The following CFAP91 variants were observed in gnomAD, a reference collection of about 807,000 sequenced individuals.
The protein encoded by CFAP91 is cilia- and flagella-associated protein 91.
CFAP91 carries 85 observed loss-of-function variants against 95.9 expected under a neutral mutation model. That is an observed-to-expected ratio of 0.89 (90% confidence interval 0.74 to 1.06). The LOEUF is 1.06. Among genes scored for constraint, CFAP91 ranks in the 50% least tolerant of loss-of-function variants. The pLI is 0.00. For synonymous variants in CFAP91, 335 were observed against 327.5 expected (o/e 1.02, Z -0.25); for missense variants, 962 against 943.4 (o/e 1.02, Z -0.26).
In CFAP91 at chr3:119,751,285, G is replaced by C. The variant is rs535882529; in HGVS notation, c.*1+187G>C. The stretch of plus-strand genomic sequence containing the variant: ...CTGTTGAGATTATTAGAAAATTAGA[G>C]TTGATATTACAGCAATTAGACTCTT... On this transcript the variant is annotated intron_variant, in intron 17 of 17. Transcript: ENST00000273390. 3.3e-5 allele frequency among the ~76,000 whole-genome samples: 5 copies of C among 152,272 alleles called. No homozygotes were observed. The South Asian group carries it at 1.0e-3, about 32-fold the overall frequency.
chr3:119,765,616 T>A lies in CFAP91; in HGVS notation c.*566T>A, dbSNP rs538238469. ...ACTATACTTTGGTCTGCTTCTACAG[T>A]GGCACATCAACCCACCTTTGAGCTT... On this transcript the variant is annotated 3_prime_UTR_variant, in exon 18 of 18. Transcript: ENST00000273390. The A allele has an allele frequency of 6.6e-6, 1 of 152,348 alleles. No individual in the cohort carries two copies. The highest frequency in any genetic ancestry group is 2.1e-4 in the South Asian group (1 of 4,828). 9.4% of individuals were successfully genotyped at this position (152,348 alleles called of 1,614,324 possible). A position where few individuals can be genotyped will look rare whatever the true frequency, so the allele number is the denominator to read the frequency against.
chr3:119,752,421 A>G (rs1263752066), intron 17 of CFAP91: 1 of 152,228 alleles, frequency 6.6e-6, no homozygotes, highest in Non-Finnish European at 1.5e-5. Context: ...ACTCTTAAAT[A>G]TCAAACTGTG....
chr3:119,703,482 C>T (rs1158305503), intron 1 of CFAP91, among the ~76,000 whole-genome samples: 1 of 152,214 alleles, frequency 6.6e-6, no homozygotes, highest in African/African-American at 2.4e-5. Context: ...AAACCTGTTC[C>T]GGGCGTTTTG....
At chr3:119,751,382 G>A (rs546098024) in intron 17 of CFAP91, among the ~76,000 whole-genome samples, 9 of 152,282 alleles carry the variant, frequency 5.9e-5, no homozygotes, top group Non-Finnish European at 8.8e-5. Context: ...GTCAAATGAA[G>A]CTATAGAATG....
chr3:119,745,410 A>G (rs2054201923), intron 14 of CFAP91, among the ~76,000 whole-genome samples: 1 of 152,342 alleles, frequency 6.6e-6, no homozygotes, highest in East Asian at 1.9e-4. Context: ...AGGCACATAC[A>G]TGAGGACATA....
At position 119,747,245 on chromosome 3, in the gene CFAP91, C is replaced by T; in HGVS notation, c.2033C>T (p.Ala678Val). The T allele has an allele frequency of 6.2e-7, 1 of 1,613,124 alleles. No individual in the cohort carries two copies. The highest frequency in any genetic ancestry group is 8.5e-7 in the Non-Finnish European group (1 of 1,179,516). The change falls in exon 15 of 18, where the codon GCT becomes GTT. Residue 678 changes from alanine (A) to valine (V), a missense_variant. Transcript: ENST00000273390. ...ATGGCTGAGAAAATCAATGACATTGCTTATGAAATGGAAAGCCGGTGTGTA... is the reference window on the plus strand; with the variant it reads ...ATGGCTGAGAAAATCAATGACATTGTTTATGAAATGGAAAGCCGGTGTGTA... ...EKMAEKINDI[A>V]YEMESRRTYL... is the part of the protein sequence containing the mutation.
At chr3:119,760,202 G>C (rs968359665) in intron 17 of CFAP91, among the ~76,000 whole-genome samples, 1 of 151,774 alleles carries the variant, frequency 6.6e-6, no homozygotes, top group Non-Finnish European at 1.5e-5. Context: ...GATACTCAAT[G>C]CAAATGGAAA....
At chr3:119,730,975 A>G (rs4688032) in intron 8 of CFAP91, among the ~76,000 whole-genome samples, 54,047 of 152,070 alleles carry the variant, frequency 0.36, 12,648 homozygotes, top group African/African-American at 0.67. Flanking sequence ...GGTAGCTCAC[A>G]CCTGTAATCC....
At chr3:119,742,639 G>A (rs946373157) in intron 13 of CFAP91, among the ~76,000 whole-genome samples, 1 of 152,220 alleles carries the variant, frequency 6.6e-6, no homozygotes, top group African/African-American at 2.4e-5. Flanking sequence ...AGTATCTACT[G>A]TTTATGAATG....
At chr3:119,722,385 G>A (rs1340031225) in intron 6 of CFAP91, among the ~76,000 whole-genome samples, 1 of 152,052 alleles carries the variant, frequency 6.6e-6, no homozygotes, top group African/African-American at 2.4e-5. Flanking sequence ...CTTGAACCGA[G>A]GAGGAGGAGG....
intron 8 of CFAP91, among the ~76,000 whole-genome samples, chr3:119,730,600 TAGTGTGTGTGTG>T (rs1559757151): frequency 3.1e-5 from 3 of 95,462 alleles, no homozygotes; most frequent in East Asian, 8.3e-4. Context: ...GTTACTGAGA[TAGTGTGTGTGTG>T]TGTGTGTGTG....
At chr3:119,719,102 A>G (rs115930352) in intron 6 of CFAP91, among the ~76,000 whole-genome samples, 2,244 of 152,352 alleles carry the variant, frequency 0.015, 29 homozygotes, top group Middle Eastern at 0.058. Context: ...CTATATAATA[A>G]TGAGAATGAA....
At chr3:119,761,843 C>T (rs971141675) in intron 17 of CFAP91, among the ~76,000 whole-genome samples, 1 of 151,776 alleles carries the variant, frequency 6.6e-6, no homozygotes, top group Non-Finnish European at 1.5e-5. Context: ...TGTACCTCAA[C>T]ATAGTAAAGT....
chr3:119,711,337 G>A (rs2053469104), intron 5 of CFAP91, among the ~76,000 whole-genome samples: 1 of 152,178 alleles, frequency 6.6e-6, no homozygotes, highest in Admixed American at 6.5e-5. Flanking sequence ...GAAATGTTTT[G>A]TATGAGCAAA....
intron 17 of CFAP91, among the ~76,000 whole-genome samples, chr3:119,760,602 A>C (rs757025822): frequency 2.0e-5 from 3 of 151,764 alleles, no homozygotes; most frequent in Non-Finnish European, 4.4e-5. Flanking sequence ...TCAAATACAC[A>C]CAGAACATTC....
At chr3:119,740,889 C>CT (rs1346277756) in intron 13 of CFAP91, 194 bp downstream of exon 13, 1 of 604,106 alleles carries the variant, frequency 1.7e-6, no homozygotes, top group Non-Finnish European at 2.7e-6. Flanking sequence ...GAGTTTCACT[C>CT]TATCGCCCAG....
intron 14 of CFAP91, among the ~76,000 whole-genome samples, chr3:119,746,315 G>A (rs1024072328): frequency 3.9e-5 from 6 of 152,000 alleles, no homozygotes; most frequent in African/African-American, 1.2e-4. Context: ...TTTTTATTTT[G>A]TTTTATTTTT....
chr3:119,714,365 C>CAAAAAA (rs1265042198), intron 5 of CFAP91, among the ~76,000 whole-genome samples: 1 of 128,630 alleles, frequency 7.8e-6, no homozygotes. Context: ...GACTCCGTCT[C>CAAAAAA]AAAAAAAAAA....
At chr3:119,708,733 GATA>G (rs1173653489) in intron 4 of CFAP91, 59 bp downstream of exon 4, 8 of 1,003,298 alleles carry the variant, frequency 8.0e-6, no homozygotes, top group East Asian at 2.4e-5. Context: ...ACCTCTTTAT[GATA>G]ATAATAATAG....
Sources: allele counts gnomAD v4.1 joint callset (sites outside exome capture counted in the v4.1 genomes callset), GRCh38; gene constraint gnomAD v4.1.1; transcripts MANE v1.5; gene names NCBI Gene and HGNC (gene_info 2026-07-23, HGNC 2026-07-21).